SCARA5: variants seen among roughly 807,000 people sequenced by gnomAD.
SCARA5 encodes the protein scavenger receptor class A member 5.
SCARA5 carries 45 observed loss-of-function variants against 46.3 expected under a neutral mutation model. That is an observed-to-expected ratio of 0.97 (90% CI 0.76 to 1.24). The LOEUF (loss-of-function observed/expected upper bound fraction) is 1.24, where lower values mean the gene tolerates loss of function less well. SCARA5 is among the 50% of genes most tolerant of loss of function. The probability of loss-of-function intolerance (pLI) is 0.00; values close to 1 mark genes in which losing one functional copy is unlikely to be tolerated. For missense variants in SCARA5, 680 were observed against 689.0 expected (o/e 0.99, Z 0.15); for synonymous variants, 333 against 306.5 (o/e 1.09, Z -0.90).
intron 3 of SCARA5, among the ~76,000 whole-genome samples, chr8:27,938,318 T>C (rs969522294): frequency 6.6e-6 from 1 of 151,266 alleles, no homozygotes; most frequent in Non-Finnish European, 1.5e-5. Flanking sequence ...TAAAAATGTT[T>C]GAAGGTGAAT....
intron 7 of SCARA5, among the ~76,000 whole-genome samples, chr8:27,880,100 C>G (rs545999044): frequency 3.9e-5 from 6 of 152,198 alleles, no homozygotes. Context: ...GGGGAAAGGA[C>G]TCCCTATTCA....
chr8:27,940,989 T>G (rs984085466), intron 3 of SCARA5, among the ~76,000 whole-genome samples: 1 of 152,154 alleles, frequency 6.6e-6, no homozygotes, highest in Non-Finnish European at 1.5e-5. Flanking sequence ...AAAACACTCC[T>G]ATGAAATTTT....
At chr8:27,990,283 C>T (rs1374434195) in intron 1 of SCARA5, among the ~76,000 whole-genome samples, 1 of 152,170 alleles carries the variant, frequency 6.6e-6, no homozygotes, top group Admixed American at 6.5e-5. Context: ...CAACTCTACT[C>T]ATGTTTGTTA....
intron 7 of SCARA5, among the ~76,000 whole-genome samples, chr8:27,888,223 C>G (rs932441959): frequency 3.5e-4 from 54 of 152,256 alleles, no homozygotes; most frequent in African/African-American, 1.2e-3. Flanking sequence ...CCATGCCCAG[C>G]TAATGATTGT....
intron 7 of SCARA5, among the ~76,000 whole-genome samples, chr8:27,895,305 G>T (rs1248686435): frequency 1.3e-5 from 2 of 152,128 alleles, no homozygotes; most frequent in Non-Finnish European, 2.9e-5. Flanking sequence ...CCGGCCTGAG[G>T]CACAGGGGCT....
intron 7 of SCARA5, among the ~76,000 whole-genome samples, chr8:27,892,766 C>T (rs570806557): frequency 1.5e-4 from 23 of 152,188 alleles, no homozygotes; most frequent in African/African-American, 4.1e-4. Context: ...CCACCACGAC[C>T]GGCTAATTTT....
chr8:27,898,298 G>A (rs537502317), intron 7 of SCARA5, among the ~76,000 whole-genome samples: 1 of 152,320 alleles, frequency 6.6e-6, no homozygotes, highest in South Asian at 2.1e-4. Flanking sequence ...TTCAGGAAGA[G>A]TCACTGGATT....
At chr8:27,880,352 G>A (rs1806791437) in intron 7 of SCARA5, among the ~76,000 whole-genome samples, 2 of 149,122 alleles carry the variant, frequency 1.3e-5, no homozygotes, top group South Asian at 2.1e-4. Context: ...TTGACAAGTG[G>A]ACGAGTGGGA....
At chr8:27,884,705 T>A (rs775881849) in intron 7 of SCARA5, among the ~76,000 whole-genome samples, 2 of 152,228 alleles carry the variant, frequency 1.3e-5, no homozygotes, top group African/African-American at 2.4e-5. Context: ...CTGAACTCAC[T>A]TTGTGCACCT....
At chr8:27,884,770 CACAA>C (rs1360865338) in intron 7 of SCARA5, among the ~76,000 whole-genome samples, 3 of 152,208 alleles carry the variant, frequency 2.0e-5, no homozygotes, top group Non-Finnish European at 2.9e-5. Flanking sequence ...TGGATACACC[CACAA>C]ACAGAGTCCC....
intron 7 of SCARA5, among the ~76,000 whole-genome samples, chr8:27,900,731 G>C (rs532833024): frequency 6.8e-4 from 103 of 150,676 alleles, no homozygotes; most frequent in African/African-American, 2.5e-3. Flanking sequence ...CCTGCAAATG[G>C]ACCATCTACT....
chr8:27,949,509 G>A (rs1808089108), intron 3 of SCARA5, among the ~76,000 whole-genome samples: 1 of 152,308 alleles, frequency 6.6e-6, no homozygotes, highest in East Asian at 1.9e-4. Flanking sequence ...GTTGGGTGAG[G>A]TTGGCAGCTA....
At chr8:27,929,707 A>C (rs1320375) in intron 3 of SCARA5, among the ~76,000 whole-genome samples, 1 of 152,174 alleles carries the variant, frequency 6.6e-6, no homozygotes, top group Non-Finnish European at 1.5e-5. Context: ...GTCAGTCACA[A>C]GGCAAACTCC....
At position 27,987,565 on chromosome 8, in the gene SCARA5, G is replaced by A; in HGVS notation, c.51C>T (p.Ser17=). 6.2e-7 allele frequency: 1 copy of A among 1,614,142 alleles called. No homozygotes were observed. The highest frequency in any genetic ancestry group is 8.5e-7 in the Non-Finnish European group (1 of 1,179,976). The stretch of plus-strand genomic sequence containing the variant: ...CATCAAAGGAATCCTCACAGATGGA[G>A]CTGGTGTCACAGTCGCTGACGGTGT... ...YLHTVSDCDT[S]SICEDSFDGR... is the part of the protein sequence containing the mutation. Residue 17 remains serine, a synonymous_variant, in exon 2 of 9, where the codon AGC becomes AGT. Coordinates refer to ENST00000354914, the MANE Select transcript of SCARA5 (RefSeq NM_173833.6).
chr8:27,914,740 T>A (rs1807433706), intron 4 of SCARA5, among the ~76,000 whole-genome samples: 1 of 151,918 alleles, frequency 6.6e-6, no homozygotes, highest in Non-Finnish European at 1.5e-5. Flanking sequence ...AGGAGCAGGG[T>A]CCTGGGGTCC....
At chr8:27,903,516 CACA>C (rs1049319127) in intron 7 of SCARA5, 20 of 152,158 alleles carry the variant, frequency 1.3e-4, no homozygotes, top group African/African-American at 4.3e-4. Context: ...CTAGTTGAAG[CACA>C]ACAATAATTT....
intron 2 of SCARA5, 104 bp from the exon 3 acceptor site, chr8:27,966,646 T>A: frequency 7.9e-7 from 1 of 1,265,720 alleles, no homozygotes; most frequent in Non-Finnish European, 1.1e-6. Context: ...CAGATGTTCA[T>A]GTTGAACTTC....
chr8:27,908,494 T>G (rs977429903), intron 5 of SCARA5, among the ~76,000 whole-genome samples: 1 of 152,230 alleles, frequency 6.6e-6, no homozygotes. Flanking sequence ...GCTTGGAATA[T>G]GAGTTGGTTT....
In SCARA5 at chr8:27,933,711, T is replaced by C. The variant is rs1429073097; in HGVS notation, c.242-11466A>G. Among the ~76,000 whole-genome samples the C allele has an allele frequency of 2.0e-5, 3 of 152,272 alleles. No homozygotes were observed. In the East Asian group the frequency reaches 5.8e-4, roughly 29 times the overall value. ...ACCTAATTCAGGTTCTGGAAATTTA[T>C]TATTAGGAAAATTTTCAAAACAGGG... On this transcript the variant is annotated intron_variant, in intron 3 of 8. Coordinates refer to ENST00000354914, the MANE Select transcript of SCARA5 (RefSeq NM_173833.6).
Sources: allele counts gnomAD v4.1 joint callset (sites outside exome capture counted in the v4.1 genomes callset), GRCh38; gene constraint gnomAD v4.1.1; transcripts MANE v1.5; gene names NCBI Gene and HGNC (gene_info 2026-07-23, HGNC 2026-07-21).